TAF4B: variants seen among roughly 807,000 people sequenced by gnomAD.
The protein encoded by TAF4B is transcription initiation factor TFIID subunit 4B.
TAF4B carries 38 observed loss-of-function variants against 86.4 expected under a neutral mutation model. The ratio of observed to expected loss-of-function variants is 0.44; its 90% CI spans 0.34 to 0.58. TAF4B has a LOEUF of 0.58. TAF4B is among the 20% of genes least tolerant of loss of function. The pLI, the probability that TAF4B is intolerant of heterozygous loss-of-function variation, is 0.02. For missense variants in TAF4B, 988 were observed against 1,027.6 expected (o/e 0.96, Z 0.53); for synonymous variants, 388 against 391.2 (o/e 0.99, Z 0.10).
At chr18:26,335,737 A>G (rs1356204195) in intron 13 of TAF4B, among the ~76,000 whole-genome samples, 1 of 152,166 alleles carries the variant, frequency 6.6e-6, no homozygotes, top group Non-Finnish European at 1.5e-5. Flanking sequence ...GTTTAGCTGC[A>G]GGGGTTTTAG....
intron 6 of TAF4B, among the ~76,000 whole-genome samples, chr18:26,285,210 C>CTT (rs113394710): frequency 3.8e-4 from 16 of 42,552 alleles, no homozygotes; most frequent in East Asian, 1.9e-3. Context: ...TCTTCCTTTC[C>CTT]TTTTTTTTTT....
intron 9 of TAF4B, among the ~76,000 whole-genome samples, chr18:26,304,168 G>GT (rs5823508): frequency 0.51 from 63,896 of 125,276 alleles, 16,902 homozygotes; most frequent in East Asian, 0.86. Flanking sequence ...TAGGTCGACT[G>GT]TTTTTTTTTT....
At chr18:26,267,225 C>G (rs977637568) in intron 2 of TAF4B, 2 of 217,178 alleles carry the variant, frequency 9.2e-6, no homozygotes, top group Non-Finnish European at 1.8e-5. Context: ...ACCAAAGAGT[C>G]AAGATTAAGA....
chr18:26,371,698 T>C (rs1373898849), intron 14 of TAF4B, among the ~76,000 whole-genome samples: 1 of 152,168 alleles, frequency 6.6e-6, no homozygotes, highest in Non-Finnish European at 1.5e-5. Flanking sequence ...TATAAACATA[T>C]AAGCTCTAGG....
At chr18:26,336,655 C>A in intron 13 of TAF4B, among the ~76,000 whole-genome samples, 1 of 152,226 alleles carries the variant, frequency 6.6e-6, no homozygotes, top group African/African-American at 2.4e-5. Flanking sequence ...GAGAACTGTA[C>A]CTATAATTCT....
intron 14 of TAF4B, among the ~76,000 whole-genome samples, chr18:26,382,749 C>T (rs948596255): frequency 6.6e-6 from 1 of 152,120 alleles, no homozygotes; most frequent in African/African-American, 2.4e-5. Flanking sequence ...ATGATATCAC[C>T]TAAATGCCAA....
chr18:26,257,986 T>A (rs1441905028), intron 1 of TAF4B, among the ~76,000 whole-genome samples: 2 of 152,114 alleles, frequency 1.3e-5, no homozygotes, highest in Non-Finnish European at 2.9e-5. Flanking sequence ...CTGGGTGTGG[T>A]GGCTCATGCC....
At chr18:26,359,035 T>G (rs755980134) in intron 14 of TAF4B, among the ~76,000 whole-genome samples, 1 of 152,188 alleles carries the variant, frequency 6.6e-6, no homozygotes, top group Non-Finnish European at 1.5e-5. Flanking sequence ...ACTGTTAAGT[T>G]TTTCACATAT....
chr18:26,288,855 A>G (rs1205108226), intron 7 of TAF4B, among the ~76,000 whole-genome samples: 2 of 152,224 alleles, frequency 1.3e-5, no homozygotes. Context: ...TAAAGAAATA[A>G]TGCAACAAAA....
At chr18:26,318,508 T>C (rs1010355555) in intron 10 of TAF4B, among the ~76,000 whole-genome samples, 4 of 152,190 alleles carry the variant, frequency 2.6e-5, no homozygotes, top group Non-Finnish European at 5.9e-5. Context: ...CCAAAGATTT[T>C]CTTTTTGGAA....
At chr18:26,325,266 G>A (rs1393126492) in intron 11 of TAF4B, among the ~76,000 whole-genome samples, 1 of 152,186 alleles carries the variant, frequency 6.6e-6, no homozygotes, top group Non-Finnish European at 1.5e-5. Flanking sequence ...TGCTATTTGG[G>A]TTGCTTTAGA....
chr18:26,374,921 C>T (rs145878172), intron 14 of TAF4B, among the ~76,000 whole-genome samples: 106 of 152,178 alleles, frequency 7.0e-4, no homozygotes, highest in African/African-American at 2.3e-3. Flanking sequence ...CTTTTTTCAT[C>T]GAGATATAAT....
chr18:26,253,030 AT>A (rs1317825010), intron 1 of TAF4B, among the ~76,000 whole-genome samples: 2 of 151,960 alleles, frequency 1.3e-5, no homozygotes, highest in African/African-American at 4.8e-5. Flanking sequence ...TTCCCTTCTG[AT>A]TTGGATGCCT....
intron 9 of TAF4B, among the ~76,000 whole-genome samples, chr18:26,307,299 T>C (rs1472480703): frequency 6.6e-6 from 1 of 152,166 alleles, no homozygotes; most frequent in Admixed American, 6.6e-5. Context: ...CTTTTTCTGC[T>C]AAGAAGATTC....
chr18:26,307,312 T>C (rs1047750449), intron 9 of TAF4B, among the ~76,000 whole-genome samples: 1 of 152,168 alleles, frequency 6.6e-6, no homozygotes, highest in Admixed American at 6.5e-5. Context: ...GAAGATTCTG[T>C]TTTCTATTCT....
chr18:26,259,931 C>G (rs1340592548), intron 1 of TAF4B, among the ~76,000 whole-genome samples: 4 of 152,200 alleles, frequency 2.6e-5, no homozygotes, highest in Non-Finnish European at 5.9e-5. Context: ...TTCTCCACAT[C>G]CTCTCCAGCA....
intron 10 of TAF4B, among the ~76,000 whole-genome samples, chr18:26,317,095 T>A (rs1194827267): frequency 6.7e-6 from 1 of 150,036 alleles, no homozygotes; most frequent in Admixed American, 6.7e-5. Context: ...AGTGGCACGA[T>A]CTCGGCTCAC....
chr18:26,300,735 A>G (rs1042920487), intron 9 of TAF4B, among the ~76,000 whole-genome samples: 1 of 152,128 alleles, frequency 6.6e-6, no homozygotes, highest in African/African-American at 2.4e-5. Context: ...TGTTGTCTAC[A>G]TCAGTTTGGT....
chr18:26,285,210 C>CTTTTTTTTTTTTTT lies in TAF4B; in HGVS notation c.973-661_973-660insTTTTTTTTTTTTTT, dbSNP rs113394710. 1.6e-4 allele frequency among the ~76,000 whole-genome samples: 7 copies of CTTTTTTTTTTTTTT among 42,504 alleles called. 1 individual carries two copies. The South Asian group carries it at 4.0e-3, about 24-fold the overall frequency. The allele number at this position is 42,504 out of a possible 152,430, so 27.9% of individuals were successfully genotyped here. A position where few individuals can be genotyped will look rare whatever the true frequency, so the allele number is the denominator to read the frequency against. ...CTTTTAAAGACTATTTCTTCCTTTC[C>CTTTTTTTTTTTTTT]TTTTTTTTTTTGTTTTTTTTTTTTT... On this transcript the variant is annotated intron_variant, in intron 6 of 14. Coordinates refer to ENST00000269142, the MANE Select transcript of TAF4B (RefSeq NM_005640.3).
Sources: allele counts gnomAD v4.1 joint callset (sites outside exome capture counted in the v4.1 genomes callset), GRCh38; gene constraint gnomAD v4.1.1; transcripts MANE v1.5; gene names NCBI Gene and HGNC (gene_info 2026-07-23, HGNC 2026-07-21).